The following SIK3 variants were observed in gnomAD, a reference collection of about 807,000 sequenced individuals.
SIK3 encodes SIK family kinase 3, also known as serine/threonine-protein kinase SIK3.
Under a neutral mutation model 144.2 loss-of-function variants are expected in SIK3, and 28 were observed. The ratio of observed to expected loss-of-function variants is 0.19; its 90% CI spans 0.14 to 0.27. The LOEUF (loss-of-function observed/expected upper bound fraction) is 0.27, where lower values mean the gene tolerates loss of function less well. Among genes scored for constraint, SIK3 ranks in the 10% least tolerant of loss-of-function variants. The pLI is 1.00. For synonymous variants in SIK3, 686 were observed against 676.3 expected (o/e 1.01, Z -0.22); for missense variants, 1,319 against 1,776.0 (o/e 0.74, Z 4.62).
intron 4 of SIK3, among the ~76,000 whole-genome samples, chr11:116,925,249 G>A (rs1459273189): frequency 1.1e-4 from 15 of 142,702 alleles, no homozygotes; most frequent in African/African-American, 3.4e-4. Flanking sequence ...GCCCTGTCTC[G>A]AAAACAAAAA....
chr11:116,982,821 G>A (rs1366111608), intron 1 of SIK3, among the ~76,000 whole-genome samples: 2 of 151,572 alleles, frequency 1.3e-5, no homozygotes, highest in Non-Finnish European at 2.9e-5. Flanking sequence ...GCACACACCT[G>A]TAGTCCCAGT....
Position 116,957,014 on chromosome 11 carries a change from C to T in SIK3, c.324G>A (p.Lys108=), listed in dbSNP as rs1281774384. Residue 108 remains lysine (K), a synonymous_variant, in exon 2 of 25, where the codon AAG becomes AAA. Transcript: ENST00000445177. The part of the protein sequence containing the change: ...DKTQLDEENL[K]KIFREVQIMK... ...TAATTTGAACTTCCCGGAAAATCTT[C>T]TTCAAGTTTTCTTCATCCAGCTGGG... 6.2e-7 allele frequency: 1 copy of T among 1,611,230 alleles called. No homozygotes were observed. Among genetic ancestry groups the T allele is most frequent in the South Asian group, 1.1e-5 (1 of 90,490 alleles).
intron 1 of SIK3, among the ~76,000 whole-genome samples, chr11:117,081,985 T>C (rs1440657409): frequency 5.9e-5 from 9 of 152,178 alleles, no homozygotes; most frequent in Non-Finnish European, 7.4e-5. Flanking sequence ...AGGATGTTAA[T>C]AGACATTTCT....
intron 1 of SIK3, among the ~76,000 whole-genome samples, chr11:117,032,908 T>C (rs1952325203): frequency 2.0e-5 from 3 of 152,174 alleles, no homozygotes; most frequent in Admixed American, 1.3e-4. Context: ...ACCATAAATA[T>C]TAATAAAAGA....
chr11:116,891,727 T>C (rs1591242540), intron 6 of SIK3, among the ~76,000 whole-genome samples: 1 of 152,182 alleles, frequency 6.6e-6, no homozygotes, highest in Admixed American at 6.5e-5. Context: ...TATTTATTTA[T>C]ATGTTTGTGT....
chr11:117,043,801 G>A (rs945268806), intron 1 of SIK3, among the ~76,000 whole-genome samples: 60 of 152,128 alleles, frequency 3.9e-4, no homozygotes, highest in African/African-American at 1.4e-3. Context: ...GTTACTTTCT[G>A]TCAGCCATCT....
chr11:116,882,684 C>G (rs1944608619), intron 6 of SIK3, among the ~76,000 whole-genome samples: 1 of 152,154 alleles, frequency 6.6e-6, no homozygotes, highest in African/African-American at 2.4e-5. Flanking sequence ...ATGCTGCTTA[C>G]AGGTGCTCAG....
chr11:116,884,441 G>A (rs1247757740), intron 6 of SIK3, among the ~76,000 whole-genome samples: 1 of 151,156 alleles, frequency 6.6e-6, no homozygotes, highest in Non-Finnish European at 1.5e-5. Context: ...TCGCCTCCCG[G>A]GTTCAAATGA....
At chr11:116,947,631 T>A (rs1267056150) in intron 3 of SIK3, among the ~76,000 whole-genome samples, 2 of 150,806 alleles carry the variant, frequency 1.3e-5, no homozygotes, top group Non-Finnish European at 3.0e-5. Context: ...AGTGGCACGA[T>A]CTCGGCTCAC....
At chr11:116,964,866 G>A (rs1314540873) in intron 1 of SIK3, among the ~76,000 whole-genome samples, 2 of 151,588 alleles carry the variant, frequency 1.3e-5, no homozygotes, top group East Asian at 3.9e-4. Context: ...AGGGCAACAA[G>A]AGCGAAACTC....
At chr11:116,947,937 C>CTTTT (rs548891642) in intron 3 of SIK3, among the ~76,000 whole-genome samples, 9 of 133,832 alleles carry the variant, frequency 6.7e-5, no homozygotes, top group African/African-American at 2.2e-4. Context: ...TCTAAGCTGA[C>CTTTT]TTTTTTTTTT....
chr11:116,999,493 T>G (rs1393380525), intron 1 of SIK3, among the ~76,000 whole-genome samples: 3 of 152,244 alleles, frequency 2.0e-5, no homozygotes, highest in Admixed American at 6.5e-5. Flanking sequence ...GATGGACACC[T>G]GTTTGCATCA....
intron 1 of SIK3, among the ~76,000 whole-genome samples, chr11:117,024,016 T>G (rs909822453): frequency 6.6e-6 from 1 of 152,166 alleles, no homozygotes; most frequent in East Asian, 1.9e-4. Context: ...ATCTGCTCTG[T>G]AGGCCCAAAA....
chr11:117,038,263 C>G (rs1254661120), intron 1 of SIK3, among the ~76,000 whole-genome samples: 1 of 152,140 alleles, frequency 6.6e-6, no homozygotes, highest in Non-Finnish European at 1.5e-5. Flanking sequence ...AACAAAGAAC[C>G]ACTCAAACAA....
chr11:117,081,000 TGTAAA>T (rs1954760237), intron 1 of SIK3, among the ~76,000 whole-genome samples: 1 of 152,040 alleles, frequency 6.6e-6, no homozygotes, highest in South Asian at 2.1e-4. Context: ...TAGGCTACTA[TGTAAA>T]GTATAGTATA....
intron 1 of SIK3, among the ~76,000 whole-genome samples, chr11:117,004,228 C>A (rs1950959148): frequency 6.6e-6 from 1 of 152,050 alleles, no homozygotes; most frequent in Non-Finnish European, 1.5e-5. Context: ...ATAAAGGTAA[C>A]TAAAGGCAGG....
intron 11 of SIK3, among the ~76,000 whole-genome samples, chr11:116,874,916 C>T (rs2134548837): frequency 6.6e-6 from 1 of 152,330 alleles, no homozygotes; most frequent in East Asian, 1.9e-4. Context: ...CAGGGAACAT[C>T]ATGAAAGACT....
chr11:116,950,286 G>T, intron 3 of SIK3: 1 of 376,818 alleles, frequency 2.7e-6, no homozygotes, highest in Non-Finnish European at 5.5e-6. Context: ...TCAGATGCTG[G>T]AGAGAATTGA....
intron 21 of SIK3, among the ~76,000 whole-genome samples, chr11:116,852,763 C>A (rs1942569998): frequency 6.6e-6 from 1 of 152,092 alleles, no homozygotes; most frequent in African/African-American, 2.4e-5. Context: ...GACAATATAC[C>A]CATATGTAAA....
Sources: allele counts gnomAD v4.1 joint callset (sites outside exome capture counted in the v4.1 genomes callset), GRCh38; gene constraint gnomAD v4.1.1; transcripts MANE v1.5; gene names NCBI Gene and HGNC (gene_info 2026-07-23, HGNC 2026-07-21).